Variants in ARID1B observed in about 807,000 individuals in gnomAD.
ARID1B encodes AT-rich interaction domain 1B, also known as AT-rich interactive domain-containing protein 1B.
A neutral mutation model predicts 212.3 loss-of-function variants in ARID1B; 30 were observed. The ratio of observed to expected loss-of-function variants is 0.14; its 90% CI spans 0.11 to 0.19. The LOEUF is 0.19. Among genes scored for constraint, ARID1B ranks in the 10% least tolerant of loss-of-function variants. ARID1B has a pLI of 1.00. For missense variants in ARID1B, 2,891 were observed against 3,204.0 expected (o/e 0.90, Z 2.36); for synonymous variants, 1,402 against 1,301.7 (o/e 1.08, Z -1.66).
chr6:157,115,278 G>A (rs1464455815), intron 6 of ARID1B, among the ~76,000 whole-genome samples: 1 of 152,156 alleles, frequency 6.6e-6, no homozygotes, highest in East Asian at 1.9e-4. Context: ...AGTAAATATG[G>A]ATATGGCATC....
chr6:157,175,891 C>T (rs1352871732), intron 11 of ARID1B: 1 of 151,610 alleles, frequency 6.6e-6, no homozygotes, highest in Admixed American at 6.6e-5. Flanking sequence ...CATGCAATTA[C>T]TTGCCAAGAA....
At chr6:157,022,537 T>C (rs987262980) in intron 4 of ARID1B, 7 of 152,384 alleles carry the variant, frequency 4.6e-5, no homozygotes, top group Middle Eastern at 6.8e-3. Flanking sequence ...TTAGGTAGGA[T>C]GTTGCAATCT....
intron 3 of ARID1B, among the ~76,000 whole-genome samples, chr6:156,908,683 A>G (rs1297879649): frequency 2.0e-5 from 3 of 152,058 alleles, no homozygotes; most frequent in East Asian, 1.9e-4. Context: ...GAATCTTTCA[A>G]CTTTTGATAT....
chr6:156,998,018 G>A (rs1006056187), intron 4 of ARID1B, among the ~76,000 whole-genome samples: 2 of 152,140 alleles, frequency 1.3e-5, no homozygotes, highest in Admixed American at 6.5e-5. Flanking sequence ...TCCGTTTAAC[G>A]CTTAAGAGGA....
At chr6:157,012,148 GA>G (rs1779651499) in intron 4 of ARID1B, among the ~76,000 whole-genome samples, 1 of 152,206 alleles carries the variant, frequency 6.6e-6, no homozygotes, top group Non-Finnish European at 1.5e-5. Flanking sequence ...AAATTCTTCT[GA>G]AAGAACTGCA....
chr6:156,801,142 A>T (rs2115341972), intron 1 of ARID1B, among the ~76,000 whole-genome samples: 1 of 151,308 alleles, frequency 6.6e-6, no homozygotes, highest in South Asian at 2.1e-4. Flanking sequence ...CAAGTGTAGA[A>T]TGTGAGCTAC....
In ARID1B at chr6:156,922,687, A is replaced by G. The variant is rs1231557343; in HGVS notation, c.2137-12779A>G. 2.6e-5 allele frequency among the ~76,000 whole-genome samples: 4 copies of G among 152,302 alleles called. No homozygotes were observed. In the East Asian group the frequency reaches 7.7e-4, roughly 29 times the overall value. On this transcript the variant is annotated intron_variant, in intron 3 of 19. Transcript: ENST00000636930. ...GATGTTTTCAGTTTTGGTAAATCCC[A>G]TTGTTGATTATCTCTGTTCTTACCC...
chr6:156,809,271 C>T (rs369433574), intron 1 of ARID1B, among the ~76,000 whole-genome samples: 20 of 152,120 alleles, frequency 1.3e-4, no homozygotes, highest in African/African-American at 4.6e-4. Flanking sequence ...GCCTTAGCTT[C>T]ATGTGCTATG....
intron 15 of ARID1B, among the ~76,000 whole-genome samples, chr6:157,192,748 C>A (rs1032032721): frequency 3.9e-5 from 6 of 152,204 alleles, no homozygotes; most frequent in African/African-American, 1.4e-4. Context: ...TGCTGCCTTA[C>A]GGTATTGATG....
chr6:157,004,032 AAAAC>A (rs1779058363), intron 4 of ARID1B, among the ~76,000 whole-genome samples: 3 of 152,052 alleles, frequency 2.0e-5, no homozygotes, highest in South Asian at 2.1e-4. Flanking sequence ...ACCCTGTGTC[AAAAC>A]AAACAAACAC....
At chr6:157,026,160 G>A (rs1780649619) in intron 4 of ARID1B, among the ~76,000 whole-genome samples, 1 of 152,174 alleles carries the variant, frequency 6.6e-6, no homozygotes, top group Non-Finnish European at 1.5e-5. Flanking sequence ...CCCGACCTCA[G>A]GCGATCCACC....
At chr6:157,165,604 C>T (rs1414894767) in intron 8 of ARID1B, among the ~76,000 whole-genome samples, 3 of 151,896 alleles carry the variant, frequency 2.0e-5, no homozygotes, top group African/African-American at 4.8e-5. Flanking sequence ...CACCTGTAAT[C>T]CCAGCACTTT....
intron 4 of ARID1B, among the ~76,000 whole-genome samples, chr6:157,011,293 C>T (rs533202572): frequency 5.5e-4 from 83 of 152,252 alleles, no homozygotes; most frequent in African/African-American, 1.9e-3. Flanking sequence ...TTTGTAGTTC[C>T]TTCAAGCTCT....
chr6:156,966,523 A>G (rs1294943413), intron 4 of ARID1B, among the ~76,000 whole-genome samples: 1 of 146,414 alleles, frequency 6.8e-6, no homozygotes, highest in Non-Finnish European at 1.5e-5. Context: ...CCACCCAAGT[A>G]GGTGGTATTA....
chr6:156,812,306 A>AT (rs1781608531), intron 1 of ARID1B, among the ~76,000 whole-genome samples: 1 of 151,732 alleles, frequency 6.6e-6, no homozygotes, highest in Non-Finnish European at 1.5e-5. Flanking sequence ...TAATTTTTGT[A>AT]TTTTTTGGTT....
chr6:157,066,311 A>C (rs1783673340), intron 4 of ARID1B, among the ~76,000 whole-genome samples: 1 of 152,240 alleles, frequency 6.6e-6, no homozygotes, highest in Non-Finnish European at 1.5e-5. Context: ...TAAAAATTAC[A>C]GAAAGGAAGA....
chr6:157,185,482 T>G (rs1792908725), intron 13 of ARID1B: 1 of 152,230 alleles, frequency 6.6e-6, no homozygotes, highest in Admixed American at 6.5e-5. Context: ...AGTGCTATCA[T>G]TTCATTTTCA....
chr6:156,896,050 T>TA (rs1212504703), intron 2 of ARID1B, among the ~76,000 whole-genome samples: 1 of 152,252 alleles, frequency 6.6e-6, no homozygotes, highest in Non-Finnish European at 1.5e-5. Context: ...TGTGGCGTCT[T>TA]ACTCCTTTTT....
intron 3 of ARID1B, 74 bp from the exon 4 acceptor site, chr6:156,935,392 A>T: frequency 7.7e-7 from 1 of 1,306,972 alleles, no homozygotes; most frequent in Non-Finnish European, 1.1e-6. Flanking sequence ...GCTTTTGTTT[A>T]ATTTTAGTTA....
Sources: allele counts gnomAD v4.1 joint callset (sites outside exome capture counted in the v4.1 genomes callset), GRCh38; gene constraint gnomAD v4.1.1; transcripts MANE v1.5; gene names NCBI Gene and HGNC (gene_info 2026-07-23, HGNC 2026-07-21).